Variants in KCNH5 observed in about 807,000 individuals in gnomAD.
KCNH5 encodes voltage-gated delayed rectifier potassium channel KCNH5.
KCNH5 carries 46 observed loss-of-function variants against 96.1 expected under a neutral mutation model. That is an observed-to-expected ratio of 0.48 (90% CI 0.38 to 0.61). The LOEUF (loss-of-function observed/expected upper bound fraction) is 0.61, where lower values mean the gene tolerates loss of function less well. Ranked by LOEUF, KCNH5 falls within the 20% of genes least tolerant of loss-of-function variation. The probability of loss-of-function intolerance (pLI) is 0.00; values close to 1 mark genes in which losing one functional copy is unlikely to be tolerated. For missense variants in KCNH5, 907 were observed against 1,225.8 expected (o/e 0.74, Z 3.88); for synonymous variants, 439 against 449.8 (o/e 0.98, Z 0.30).
At chr14:63,002,061 G>T (rs918541596) in intron 3 of KCNH5, among the ~76,000 whole-genome samples, 1 of 152,138 alleles carries the variant, frequency 6.6e-6, no homozygotes, top group African/African-American at 2.4e-5. Context: ...CTTGATGTCC[G>T]ATGTACACAG....
At chr14:62,732,712 C>T (rs895277470) in intron 10 of KCNH5, among the ~76,000 whole-genome samples, 19 of 151,986 alleles carry the variant, frequency 1.3e-4, no homozygotes, top group Admixed American at 1.1e-3. Flanking sequence ...TTGCGTGTGA[C>T]CAATGGGAAG....
intron 8 of KCNH5, among the ~76,000 whole-genome samples, chr14:62,846,149 T>C (rs1887686526): frequency 6.6e-6 from 1 of 152,184 alleles, no homozygotes; most frequent in African/African-American, 2.4e-5. Context: ...TTTGTTTGTT[T>C]TTTTAAGTTT....
In KCNH5 at chr14:62,825,461, A is replaced by T. The variant is rs77899364; in HGVS notation, c.1570-22880T>A. The stretch of plus-strand genomic sequence containing the variant: ...TTTGAGAAATCTCTTACTACATTAA[A>T]CTAACCGACACCTAGTCTAATTTCC... On this transcript the variant is annotated intron_variant, in intron 8 of 10. Coordinates refer to ENST00000322893, the MANE Select transcript of KCNH5 (RefSeq NM_139318.5). Among the ~76,000 whole-genome samples, 72 of 151,992 alleles carry T rather than the reference A, an allele frequency of 4.7e-4. No homozygotes were observed. In the East Asian group the frequency reaches 0.014, roughly 29 times the overall value.
chr14:62,983,121 A>G (rs1410316969), intron 5 of KCNH5, among the ~76,000 whole-genome samples: 6 of 152,200 alleles, frequency 3.9e-5, no homozygotes, highest in Admixed American at 3.9e-4. Flanking sequence ...GGAAATAAGA[A>G]CAAACTCAGT....
chr14:62,731,686 G>A (rs1158306065), intron 10 of KCNH5, among the ~76,000 whole-genome samples: 2 of 152,154 alleles, frequency 1.3e-5, no homozygotes, highest in Non-Finnish European at 2.9e-5. Flanking sequence ...TTCTAAGAAT[G>A]CCACCATTGC....
chr14:62,913,580 G>A (rs1392975527), intron 7 of KCNH5, among the ~76,000 whole-genome samples: 1 of 152,148 alleles, frequency 6.6e-6, no homozygotes, highest in East Asian at 1.9e-4. Context: ...TTTAGGTAAT[G>A]TAGCAATGGT....
chr14:63,044,964 C>A (rs967348796), intron 1 of KCNH5, 150 bp downstream of exon 1: 1 of 664,718 alleles, frequency 1.5e-6, no homozygotes, highest in East Asian at 2.7e-5. Context: ...CCCCACCCCA[C>A]CCCAAATCCA....
At chr14:63,017,615 T>C (rs900909672) in intron 1 of KCNH5, among the ~76,000 whole-genome samples, 14 of 151,778 alleles carry the variant, frequency 9.2e-5, no homozygotes, top group Non-Finnish European at 1.6e-4. Flanking sequence ...TAAATTAATA[T>C]AAAATGATTG....
At chr14:62,890,206 G>A (rs1566696822) in intron 7 of KCNH5, among the ~76,000 whole-genome samples, 1 of 152,120 alleles carries the variant, frequency 6.6e-6, no homozygotes, top group Non-Finnish European at 1.5e-5. Context: ...AAAAGCAATC[G>A]CACCAATAGC....
At chr14:62,894,485 T>C (rs1888772828) in intron 7 of KCNH5, among the ~76,000 whole-genome samples, 1 of 152,234 alleles carries the variant, frequency 6.6e-6, no homozygotes, top group Admixed American at 6.5e-5. Context: ...CTACCTCATG[T>C]AGATTCCCTC....
At chr14:62,956,015 C>T (rs1259172469) in intron 6 of KCNH5, among the ~76,000 whole-genome samples, 1 of 152,138 alleles carries the variant, frequency 6.6e-6, no homozygotes, top group South Asian at 2.1e-4. Flanking sequence ...CCCCCAATCT[C>T]TCCTACATCA....
chr14:62,849,864 G>T lies in KCNH5; in HGVS notation c.1370-12C>A. 1 of 1,592,286 alleles carries T rather than the reference G, an allele frequency of 6.3e-7. No homozygotes were observed. Among genetic ancestry groups the T allele is most frequent in the Non-Finnish European group, 8.6e-7 (1 of 1,161,994 alleles). ...TGCATAAAGAAGAGCTGAAAGAGAAGAAATGATAAAAATAAAACAAATATC... is the reference window on the plus strand; with the variant it reads ...TGCATAAAGAAGAGCTGAAAGAGAATAAATGATAAAAATAAAACAAATATC... On this transcript the variant is annotated splice_polypyrimidine_tract_variant and intron_variant, in intron 7 of 10. Transcript: ENST00000322893.
chr14:62,896,727 T>C (rs892644615), intron 7 of KCNH5, among the ~76,000 whole-genome samples: 2 of 152,170 alleles, frequency 1.3e-5, no homozygotes, highest in Non-Finnish European at 2.9e-5. Flanking sequence ...AAGACCTTCG[T>C]GAGGTCACAG....
intron 6 of KCNH5, among the ~76,000 whole-genome samples, chr14:62,972,873 A>T (rs1423260536): frequency 6.6e-6 from 1 of 152,218 alleles, no homozygotes; most frequent in African/African-American, 2.4e-5. Flanking sequence ...AAGAATAAGC[A>T]GAGCATGAAA....
At chr14:62,810,165 G>A (rs1886844208) in intron 8 of KCNH5, among the ~76,000 whole-genome samples, 1 of 152,072 alleles carries the variant, frequency 6.6e-6, no homozygotes, top group South Asian at 2.1e-4. Context: ...CAATCTTCCA[G>A]ATATCACCTC....
intron 8 of KCNH5, among the ~76,000 whole-genome samples, chr14:62,816,608 T>G (rs576166833): frequency 7.2e-5 from 11 of 152,088 alleles, no homozygotes; most frequent in Admixed American, 6.6e-4. Context: ...ACCACTGAAA[T>G]AGACAAAAAA....
Position 62,981,110 on chromosome 14 carries a change from T to C in KCNH5, c.704A>G (p.Asn235Ser), listed in dbSNP as rs1890597942. 6.2e-7 allele frequency: 1 copy of C among 1,614,150 alleles called. No individual in the cohort carries two copies. The highest frequency in any genetic ancestry group is 8.5e-7 in the Non-Finnish European group (1 of 1,180,014). The part of the protein sequence containing the change: ...TFYTAIMVPY[N>S]VSFKTKQNNI... ...GTTCTGCTTTGTTTTGAAGGAAACA[T>C]TATAAGGAACCATAATGGCGGTGTA... The change falls in exon 6 of 11, where the codon AAT becomes AGT. Residue 235 changes from asparagine to serine, a missense_variant. By Grantham distance (46) the Asn-to-Ser change is conservative. Around this residue, in one of 6 missense-constraint regions of KCNH5, gnomAD observed 370 missense variants for 561.3 expected, o/e 0.66. Transcript: ENST00000322893.
chr14:62,977,011 AAAAAG>A (rs1309717833), intron 6 of KCNH5, among the ~76,000 whole-genome samples: 2 of 150,788 alleles, frequency 1.3e-5, no homozygotes, highest in Non-Finnish European at 2.9e-5. Flanking sequence ...GAAAGTGCAG[AAAAAG>A]AAAAGTAATT....
intron 8 of KCNH5, among the ~76,000 whole-genome samples, chr14:62,811,758 A>G (rs544759051): frequency 6.6e-6 from 1 of 152,268 alleles, no homozygotes; most frequent in South Asian, 2.1e-4. Context: ...TATAAATTAG[A>G]AATAAGCAGA....
Sources: allele counts gnomAD v4.1 joint callset (sites outside exome capture counted in the v4.1 genomes callset), GRCh38; gene constraint gnomAD v4.1.1; regional missense constraint gnomAD v4.1.1; transcripts MANE v1.5; gene names NCBI Gene and HGNC (gene_info 2026-07-23, HGNC 2026-07-21).